Variants in OPCML observed in about 807,000 individuals in gnomAD.
OPCML encodes opioid binding protein/cell adhesion molecule like.
In OPCML, 13 loss-of-function variants were observed where a neutral mutation model predicts 37.8. The ratio of observed to expected loss-of-function variants is 0.34; its 90% CI spans 0.22 to 0.55. The LOEUF (loss-of-function observed/expected upper bound fraction) is 0.55. Ranked by LOEUF, OPCML falls within the 20% of genes least tolerant of loss-of-function variation. The pLI is 0.91. For synonymous variants in OPCML, 176 were observed against 168.8 expected (o/e 1.04, Z -0.33); for missense variants, 341 against 435.6 (o/e 0.78, Z 1.93).
chr11:133,006,926 G>T, intron 1 of OPCML: 4 of 985,436 alleles, frequency 4.1e-6, no homozygotes, highest in Non-Finnish European at 4.8e-6. Context: ...AGTGCTTGTG[G>T]CATAAGCAGG....
chr11:132,680,526 T>C (rs1284694483), intron 2 of OPCML, among the ~76,000 whole-genome samples: 1 of 152,172 alleles, frequency 6.6e-6, no homozygotes, highest in Non-Finnish European at 1.5e-5. Flanking sequence ...TTCGGAACCT[T>C]CAAGAGAAAA....
chr11:132,627,113 C>T (rs1327561240), intron 3 of OPCML, among the ~76,000 whole-genome samples: 1 of 151,882 alleles, frequency 6.6e-6, no homozygotes, highest in Non-Finnish European at 1.5e-5. Flanking sequence ...GAAATGATTA[C>T]TGAATTGCTT....
At chr11:132,963,321 G>C (rs1291215557) in intron 1 of OPCML, among the ~76,000 whole-genome samples, 1 of 151,992 alleles carries the variant, frequency 6.6e-6, no homozygotes, top group Non-Finnish European at 1.5e-5. Context: ...GCTGGGCACG[G>C]TGGCTCACGC....
At position 133,172,310 on chromosome 11, in the gene OPCML, T is replaced by TGTG. The variant is rs1178603708; in HGVS notation, c.62-229303_62-229301dup. ...ATTTGCCATACAATATGCTAAGTGC[T>TGTG]GTGGTGGAAACAGTGCAAGACAGCA... On this transcript the variant is annotated intron_variant, in intron 1 of 7. Coordinates refer to ENST00000524381, the MANE Select transcript of OPCML (RefSeq NM_001012393.5). Among the ~76,000 whole-genome samples, 3 of 152,264 alleles carry TGTG rather than the reference T, an allele frequency of 2.0e-5. No homozygotes were observed. The East Asian group carries it at 5.8e-4, about 29-fold the overall frequency.
chr11:132,781,117 G>A (rs1357102575), intron 2 of OPCML, among the ~76,000 whole-genome samples: 3 of 152,122 alleles, frequency 2.0e-5, no homozygotes, highest in Admixed American at 1.3e-4. Flanking sequence ...AAAGAAACTT[G>A]GAGGATGAAT....
chr11:133,339,292 C>T (rs4387356), intron 1 of OPCML, among the ~76,000 whole-genome samples: 23,701 of 152,036 alleles, frequency 0.16, 2,509 homozygotes, highest in African/African-American at 0.3. Context: ...GTGTTATTAC[C>T]TTCTCCAATT....
At chr11:133,159,919 G>A (rs996354275) in intron 1 of OPCML, among the ~76,000 whole-genome samples, 2 of 152,192 alleles carry the variant, frequency 1.3e-5, no homozygotes, top group Non-Finnish European at 2.9e-5. Context: ...TGTGGTTTCA[G>A]CCTTGTCTTA....
intron 1 of OPCML, among the ~76,000 whole-genome samples, chr11:133,446,258 ATGG>A (rs1338165182): frequency 6.6e-6 from 1 of 152,234 alleles, no homozygotes; most frequent in East Asian, 1.9e-4. Flanking sequence ...TGAAATAGCA[ATGG>A]ATACAGGTGA....
At chr11:133,256,090 T>C (rs999267451) in intron 1 of OPCML, among the ~76,000 whole-genome samples, 1 of 152,244 alleles carries the variant, frequency 6.6e-6, no homozygotes, top group African/African-American at 2.4e-5. Context: ...TTTATATGGA[T>C]TTTGTTTCTA....
chr11:132,497,328 C>T (rs554702780), intron 4 of OPCML, among the ~76,000 whole-genome samples: 16 of 149,998 alleles, frequency 1.1e-4, no homozygotes, highest in African/African-American at 2.9e-4. Flanking sequence ...GGATGATCTG[C>T]GTAGCAAACC....
At chr11:133,070,034 C>G (rs1948499268) in intron 1 of OPCML, among the ~76,000 whole-genome samples, 1 of 152,054 alleles carries the variant, frequency 6.6e-6, no homozygotes, top group African/African-American at 2.4e-5. Flanking sequence ...TACATATTAA[C>G]AATAAATAAA....
chr11:132,470,422 C>T (rs2096134355), intron 4 of OPCML, among the ~76,000 whole-genome samples: 1 of 152,060 alleles, frequency 6.6e-6, no homozygotes, highest in African/African-American at 2.4e-5. Context: ...GTCACTGAGA[C>T]TGAGTGAATT....
intron 1 of OPCML, among the ~76,000 whole-genome samples, chr11:133,257,649 CCT>C (rs1377100807): frequency 1.3e-5 from 2 of 152,148 alleles, no homozygotes; most frequent in Non-Finnish European, 2.9e-5. Flanking sequence ...TTCTCAGTGC[CCT>C]CTCTTCCTTT....
chr11:132,653,218 A>T (rs1447033293), intron 3 of OPCML, among the ~76,000 whole-genome samples: 1 of 152,096 alleles, frequency 6.6e-6, no homozygotes, highest in Non-Finnish European at 1.5e-5. Context: ...AAACTAAAAA[A>T]TCTGGGTGAT....
intron 1 of OPCML, among the ~76,000 whole-genome samples, chr11:133,519,711 T>C: frequency 6.6e-6 from 1 of 152,192 alleles, no homozygotes; most frequent in African/African-American, 2.4e-5. Context: ...CAGGCACACA[T>C]GCTGCAATGG....
intron 3 of OPCML, among the ~76,000 whole-genome samples, chr11:132,609,196 G>T (rs969814715): frequency 6.6e-6 from 1 of 152,052 alleles, no homozygotes; most frequent in Admixed American, 6.6e-5. Context: ...GTCTCAAAAA[G>T]AACTGACATG....
intron 4 of OPCML, among the ~76,000 whole-genome samples, chr11:132,453,671 C>T (rs1044056387): frequency 2.6e-5 from 4 of 152,186 alleles, no homozygotes; most frequent in African/African-American, 4.8e-5. Flanking sequence ...GGCAGGGTTT[C>T]GAGGACAGAG....
intron 3 of OPCML, among the ~76,000 whole-genome samples, chr11:132,624,529 T>G (rs1196186789): frequency 6.6e-6 from 1 of 152,176 alleles, no homozygotes; most frequent in African/African-American, 2.4e-5. Flanking sequence ...TTGTCCTCTA[T>G]GTAACCTCAG....
chr11:132,899,419 C>A (rs1943969052), intron 2 of OPCML, among the ~76,000 whole-genome samples: 1 of 151,952 alleles, frequency 6.6e-6, no homozygotes, highest in Non-Finnish European at 1.5e-5. Context: ...GTTAATTTTA[C>A]ATCATAGTGT....
Sources: gnomAD v4.1 joint callset for allele counts (sites outside exome capture counted in the v4.1 genomes callset) on GRCh38, gnomAD v4.1.1 for gene constraint, MANE v1.5 for transcripts, NCBI Gene and HGNC (gene_info 2026-07-23, HGNC 2026-07-21) for gene names.